The following NIBAN1 variants were observed in gnomAD, a reference collection of about 807,000 sequenced individuals.
The protein encoded by NIBAN1 is protein Niban 1.
Under a neutral mutation model 75.1 loss-of-function variants are expected in NIBAN1, and 81 were observed. The observed-to-expected ratio is 1.08, with a 90% CI of 0.90 to 1.30. NIBAN1 has a LOEUF of 1.30. Among genes scored for constraint, NIBAN1 ranks in the 50% most tolerant of loss-of-function variants. The pLI, the probability that NIBAN1 is intolerant of heterozygous loss-of-function variation, is 0.00. For synonymous variants in NIBAN1, 436 were observed against 424.8 expected (o/e 1.03, Z -0.32); for missense variants, 1,133 against 1,128.1 (o/e 1.00, Z -0.06).
intron 5 of NIBAN1, among the ~76,000 whole-genome samples, chr1:184,875,577 A>G (rs1175096650): frequency 6.6e-6 from 1 of 152,222 alleles, no homozygotes; most frequent in African/African-American, 2.4e-5. Flanking sequence ...TTGGTGACCT[A>G]TTCTTGAAAG....
At chr1:184,845,609 G>GAACCAGATTATACATTACATATATATCCT (rs1557886162) in intron 5 of NIBAN1, among the ~76,000 whole-genome samples, 10 of 98,486 alleles carry the variant, frequency 1.0e-4, no homozygotes, top group South Asian at 2.7e-4. Context: ...ATTTTAAAAA[G>GAACCAGATTATACATTACATATATATCCT]GGAATGTGGA....
intron 1 of NIBAN1, among the ~76,000 whole-genome samples, chr1:184,923,466 G>A (rs1012714816): frequency 3.3e-5 from 5 of 152,156 alleles, no homozygotes; most frequent in Non-Finnish European, 5.9e-5. Context: ...GGTTACTATA[G>A]CTCTGTACTA....
intron 5 of NIBAN1, among the ~76,000 whole-genome samples, chr1:184,835,166 T>C (rs914440561): frequency 2.0e-5 from 3 of 152,216 alleles, no homozygotes; most frequent in Admixed American, 6.5e-5. Context: ...TGTGTGGTGT[T>C]AGTTCTGAGG....
chr1:184,929,164 C>T (rs568727923), intron 1 of NIBAN1, among the ~76,000 whole-genome samples: 2 of 152,292 alleles, frequency 1.3e-5, no homozygotes, highest in African/African-American at 4.8e-5. Context: ...CAGAAACTCC[C>T]TTCCTTGAAA....
At chr1:184,840,218 G>A (rs1433714639) in intron 5 of NIBAN1, among the ~76,000 whole-genome samples, 4 of 151,990 alleles carry the variant, frequency 2.6e-5, no homozygotes, top group East Asian at 1.9e-4. Context: ...TAATTCTTAC[G>A]AGAACCAGCC....
intron 9 of NIBAN1, among the ~76,000 whole-genome samples, chr1:184,816,215 T>G (rs186419396): frequency 6.6e-6 from 1 of 152,192 alleles, no homozygotes; most frequent in Non-Finnish European, 1.5e-5. Context: ...CTCTTGATAT[T>G]ATCCTCCCAA....
intron 5 of NIBAN1, among the ~76,000 whole-genome samples, chr1:184,839,396 A>G (rs1234996865): frequency 6.6e-6 from 1 of 152,170 alleles, no homozygotes; most frequent in Non-Finnish European, 1.5e-5. Context: ...TATAAGAAAT[A>G]ATATAGAGAT....
At chr1:184,842,973 A>G (rs1557885175) in intron 5 of NIBAN1, among the ~76,000 whole-genome samples, 1 of 152,204 alleles carries the variant, frequency 6.6e-6, no homozygotes, top group Non-Finnish European at 1.5e-5. Context: ...TAGCGTCTTG[A>G]TGACCTTGTT....
chr1:184,968,725 A>G (rs1658862104), intron 1 of NIBAN1, among the ~76,000 whole-genome samples: 2 of 152,346 alleles, frequency 1.3e-5, no homozygotes, highest in African/African-American at 4.8e-5. Context: ...AGATAACTGT[A>G]TTAGATAGAA....
chr1:184,860,402 G>T (rs935500506), intron 5 of NIBAN1, among the ~76,000 whole-genome samples: 3 of 152,050 alleles, frequency 2.0e-5, no homozygotes, highest in African/African-American at 7.2e-5. Flanking sequence ...GTATAATTGT[G>T]ACTTAGAAGT....
At chr1:184,805,383 A>C (rs1654167141) in intron 11 of NIBAN1, among the ~76,000 whole-genome samples, 1 of 152,250 alleles carries the variant, frequency 6.6e-6, no homozygotes, top group Non-Finnish European at 1.5e-5. Context: ...TAGTTAATGC[A>C]CAAGTTCTTG....
intron 1 of NIBAN1, among the ~76,000 whole-genome samples, chr1:184,962,280 T>C (rs1049495128): frequency 1.3e-5 from 2 of 152,228 alleles, no homozygotes; most frequent in East Asian, 1.9e-4. Context: ...ATAATCATAA[T>C]TGATGATGGC....
chr1:184,853,834 G>A (rs373890189), intron 5 of NIBAN1, among the ~76,000 whole-genome samples: 2 of 152,196 alleles, frequency 1.3e-5, no homozygotes, highest in Admixed American at 6.5e-5. Context: ...CCCAGGGTAA[G>A]AGAAAGGGAA....
In NIBAN1 at chr1:184,913,139, A is replaced by ATATATATATATATATTATATATATATAT. The variant is rs774534374; in HGVS notation, c.56-13831_56-13830insATATATATATATAATATATATATATATA. 3.9e-5 allele frequency among the ~76,000 whole-genome samples: 4 copies of ATATATATATATATATTATATATATATAT among 103,012 alleles called. No individual in the cohort carries two copies. The East Asian group carries it at 1.7e-3, about 45-fold the overall frequency. The allele number at this position is 103,012 out of a possible 152,430, so 67.6% of individuals were successfully genotyped here. On this transcript the variant is annotated intron_variant, in intron 1 of 13. Coordinates refer to ENST00000367511, the MANE Select transcript of NIBAN1 (RefSeq NM_052966.4). ...TATATGCCTTGCATATCATGCAGGT[A>ATATATATATATATATTATATATATATAT]TATATATATATATATTATATATATA...
At chr1:184,866,723 A>G (rs1233732790) in intron 5 of NIBAN1, among the ~76,000 whole-genome samples, 1 of 152,208 alleles carries the variant, frequency 6.6e-6, no homozygotes, top group Non-Finnish European at 1.5e-5. Flanking sequence ...AAATCAGAAG[A>G]AAACCAGAGA....
chr1:184,815,494 T>C (rs1336694883), intron 9 of NIBAN1, among the ~76,000 whole-genome samples: 2 of 152,168 alleles, frequency 1.3e-5, no homozygotes, highest in Non-Finnish European at 2.9e-5. Flanking sequence ...GAAGATGACA[T>C]CCTTGATGTG....
At chr1:184,887,776 T>A (rs1656564702) in intron 4 of NIBAN1, 1 of 152,230 alleles carries the variant, frequency 6.6e-6, no homozygotes, top group African/African-American at 2.4e-5. Context: ...TTGTATGCAG[T>A]AAATGAGATT....
At chr1:184,903,733 C>CTTTTTTTTTTT (rs368105582) in intron 1 of NIBAN1, among the ~76,000 whole-genome samples, 1 of 99,922 alleles carries the variant, frequency 1.0e-5, no homozygotes, top group Non-Finnish European at 1.9e-5. Flanking sequence ...CCGATTAAAC[C>CTTTTTTTTTTT]TTTTTTTTTT....
intron 1 of NIBAN1, among the ~76,000 whole-genome samples, chr1:184,899,958 A>C (rs924526295): frequency 1.3e-5 from 2 of 151,966 alleles, no homozygotes; most frequent in African/African-American, 2.4e-5. Context: ...CTGGGATTAC[A>C]TGTATGTGCC....
Sources: gnomAD v4.1 joint callset for allele counts (sites outside exome capture counted in the v4.1 genomes callset) on GRCh38, gnomAD v4.1.1 for gene constraint, MANE v1.5 for transcripts, NCBI Gene and HGNC (gene_info 2026-07-23, HGNC 2026-07-21) for gene names.